OPCML: variants seen among roughly 807,000 people sequenced by gnomAD.
The protein encoded by OPCML is opioid-binding protein/cell adhesion molecule.
Under a neutral mutation model 37.8 loss-of-function variants are expected in OPCML, and 13 were observed. The ratio of observed to expected loss-of-function variants is 0.34; its 90% confidence interval spans 0.22 to 0.55. The LOEUF is 0.55. Ranked by LOEUF, OPCML falls within the 20% of genes least tolerant of loss-of-function variation. The probability of loss-of-function intolerance (pLI) is 0.91; values close to 1 mark genes in which losing one functional copy is unlikely to be tolerated. For missense variants in OPCML, 341 were observed against 435.6 expected (o/e 0.78, Z 1.93); for synonymous variants, 176 against 168.8 (o/e 1.04, Z -0.33).
At chr11:133,088,009 G>GA (rs951605241) in intron 1 of OPCML, among the ~76,000 whole-genome samples, 1 of 152,116 alleles carries the variant, frequency 6.6e-6, no homozygotes, top group African/African-American at 2.4e-5. Flanking sequence ...AAATATATGA[G>GA]AAAAAGTGTG....
At chr11:132,508,227 T>C (rs1409222488) in intron 4 of OPCML, among the ~76,000 whole-genome samples, 1 of 152,218 alleles carries the variant, frequency 6.6e-6, no homozygotes, top group Non-Finnish European at 1.5e-5. Flanking sequence ...ACTCATTTTA[T>C]GAGGCCAGAA....
Position 132,527,878 on chromosome 11 carries a change from A to G in OPCML, c.505+1183T>C, listed in dbSNP as rs1054916781. The stretch of plus-strand genomic sequence containing the variant: ...CCTTATTAAAAGGAACAACTTGGAC[A>G]CAGATGCATCTAGGAAGAGGGCCAT... On this transcript the variant is annotated intron_variant, in intron 4 of 7. Transcript: ENST00000524381. Among the ~76,000 whole-genome samples the G allele has an allele frequency of 6.6e-5, 10 of 152,158 alleles. 1 individual carries two copies. Among genetic ancestry groups the G allele is most frequent in the Admixed American group, 4.6e-4 (7 of 15,268 alleles).
intron 2 of OPCML, among the ~76,000 whole-genome samples, chr11:132,875,524 G>A (rs55878195): frequency 0.092 from 13,820 of 150,330 alleles, 707 homozygotes; most frequent in Middle Eastern, 0.17. Flanking sequence ...GAATGCAATG[G>A]CATGATCTTG....
rs138793339 is a variant in OPCML, at chr11:132,478,143, A to T, written c.506-40784T>A. On this transcript the variant is annotated intron_variant, in intron 4 of 7. Coordinates refer to ENST00000524381, the MANE Select transcript of OPCML (RefSeq NM_001012393.5). ...AATGAAGGTCAAGGCATGTGAAATG[A>T]TATAATACAGTATATAATAAATTTG... Among the ~76,000 whole-genome samples, 1,098 of 152,346 alleles carry T rather than the reference A, an allele frequency of 7.2e-3. 11 individuals carry two copies. The highest frequency in any genetic ancestry group is 0.023 in the African/African-American group (949 of 41,578).
At chr11:133,280,326 T>C (rs1020400126) in intron 1 of OPCML, among the ~76,000 whole-genome samples, 13 of 152,188 alleles carry the variant, frequency 8.5e-5, no homozygotes, top group African/African-American at 2.7e-4. Flanking sequence ...ACAAACACCA[T>C]TAGATGTTGC....
At chr11:133,485,627 C>T (rs1446934652) in intron 1 of OPCML, among the ~76,000 whole-genome samples, 1 of 152,192 alleles carries the variant, frequency 6.6e-6, no homozygotes, top group Admixed American at 6.5e-5. Flanking sequence ...TCAGAGCTTG[C>T]AGCAAAACAT....
At chr11:132,794,697 GA>G (rs1565869190) in intron 2 of OPCML, among the ~76,000 whole-genome samples, 1 of 152,048 alleles carries the variant, frequency 6.6e-6, no homozygotes, top group Non-Finnish European at 1.5e-5. Flanking sequence ...TCCTACACAT[GA>G]ATATCATATG....
In OPCML at chr11:133,532,458, G is replaced by C. The variant is rs961576519; in HGVS notation, c.-134C>G. On this transcript the variant is annotated 5_prime_UTR_variant, in exon 1 of 8. Coordinates refer to ENST00000524381, the MANE Select transcript of OPCML (RefSeq NM_001012393.5). ...GCAAAGGGAGGGAGAGAGCAGAAGA[G>C]AGAGAGAGCGCGCGAGAGATGGGAG... 5.6e-6 allele frequency: 6 copies of C among 1,066,996 alleles called. No homozygotes were observed. Among genetic ancestry groups the C allele is most frequent in the South Asian group, 4.1e-5 (3 of 72,640 alleles). The allele number at this position is 1,066,996 out of a possible 1,614,324, so 66.1% of individuals were successfully genotyped here.
intron 3 of OPCML, among the ~76,000 whole-genome samples, chr11:132,597,232 C>A (rs758971229): frequency 6.6e-5 from 10 of 152,194 alleles, no homozygotes; most frequent in South Asian, 2.1e-4. Flanking sequence ...TTGATTTAGA[C>A]TTTATTACTA....
At chr11:133,012,342 C>T (rs528429749) in intron 1 of OPCML, among the ~76,000 whole-genome samples, 1 of 152,266 alleles carries the variant, frequency 6.6e-6, no homozygotes, top group East Asian at 1.9e-4. Flanking sequence ...AATTCAACCT[C>T]CTGTTGGCTT....
chr11:133,260,749 T>C (rs1941465041), intron 1 of OPCML, among the ~76,000 whole-genome samples: 1 of 152,190 alleles, frequency 6.6e-6, no homozygotes, highest in Non-Finnish European at 1.5e-5. Flanking sequence ...CAGCCTGAGC[T>C]GATGGCTAGA....
At position 132,926,865 on chromosome 11, in the gene OPCML, T is replaced by C. The variant is rs183589027; in HGVS notation, c.146+16061A>G. ...AAACAATATATGAATAAAATTAGACTATGAAAAAAGGGATGAAATAATAGA... is the reference window on the plus strand; with the variant it reads ...AAACAATATATGAATAAAATTAGACCATGAAAAAAGGGATGAAATAATAGA... On this transcript the variant is annotated intron_variant, in intron 2 of 7. Transcript: ENST00000524381. Among the ~76,000 whole-genome samples the C allele has an allele frequency of 1.1e-4, 17 of 151,844 alleles. No homozygotes were observed. In the East Asian group the frequency reaches 2.9e-3, roughly 26 times the overall value.
chr11:133,002,397 GT>G (rs1231373651), intron 1 of OPCML, among the ~76,000 whole-genome samples: 1 of 152,188 alleles, frequency 6.6e-6, no homozygotes, highest in African/African-American at 2.4e-5. Flanking sequence ...TGCCTTTTCA[GT>G]TCTGCATCCA....
intron 1 of OPCML, among the ~76,000 whole-genome samples, chr11:133,050,005 A>G (rs1948101382): frequency 1.3e-5 from 2 of 152,334 alleles, no homozygotes; most frequent in Non-Finnish European, 1.5e-5. Context: ...TTGACTTTAA[A>G]TTAATCCAAA....
intron 1 of OPCML, among the ~76,000 whole-genome samples, chr11:133,018,817 C>T (rs746962502): frequency 3.7e-4 from 57 of 152,210 alleles, no homozygotes; most frequent in Non-Finnish European, 7.6e-4. Flanking sequence ...CAGCAACATG[C>T]CTCAAAGGCG....
intron 1 of OPCML, chr11:133,361,541 C>CA: frequency 6.4e-6 from 1 of 156,520 alleles, no homozygotes; most frequent in South Asian, 1.6e-4. Context: ...TCCCGGCGCG[C>CA]AGACAGGTCC....
intron 2 of OPCML, among the ~76,000 whole-genome samples, chr11:132,903,670 T>TA (rs201442395): frequency 6.6e-6 from 1 of 151,728 alleles, no homozygotes; most frequent in Non-Finnish European, 1.5e-5. Flanking sequence ...AATACACAAA[T>TA]AAAAAAATAA....
At position 132,463,288 on chromosome 11, in the gene OPCML, G is replaced by A. The variant is rs534855894; in HGVS notation, c.506-25929C>T. On this transcript the variant is annotated intron_variant, in intron 4 of 7. Coordinates refer to ENST00000524381, the MANE Select transcript of OPCML (RefSeq NM_001012393.5). ...CTGAAACACTATTTTCTATCACTGA[G>A]CACAAAATAGTGTATTAAGGACATT... is the stretch of plus-strand genomic sequence containing the variant. Among the ~76,000 whole-genome samples the A allele has an allele frequency of 2.0e-5, 3 of 152,266 alleles. No homozygotes were observed. The South Asian group carries it at 6.2e-4, about 32-fold the overall frequency.
intron 2 of OPCML, among the ~76,000 whole-genome samples, chr11:132,699,486 G>T (rs1943726740): frequency 6.6e-6 from 1 of 152,000 alleles, no homozygotes; most frequent in South Asian, 2.1e-4. Flanking sequence ...CTGTGGACTT[G>T]TCATATATGG....
Sources: allele counts gnomAD v4.1 joint callset (sites outside exome capture counted in the v4.1 genomes callset), GRCh38; gene constraint gnomAD v4.1.1; transcripts MANE v1.5; gene names NCBI Gene and HGNC (gene_info 2026-07-23, HGNC 2026-07-21).